The following SNX29 variants were observed in gnomAD, a reference collection of about 807,000 sequenced individuals.
SNX29 encodes the protein sorting nexin-29.
In SNX29, 78 loss-of-function variants were observed where a neutral mutation model predicts 102.1. The observed-to-expected ratio is 0.76, with a 90% CI of 0.64 to 0.92. The LOEUF is 0.92. SNX29 is among the 40% of genes least tolerant of loss of function. The probability of loss-of-function intolerance (pLI) is 0.00; values close to 1 mark genes in which losing one functional copy is unlikely to be tolerated. For missense variants in SNX29, 1,280 were observed against 1,061.7 expected (o/e 1.21, Z -2.86); for synonymous variants, 580 against 414.5 (o/e 1.40, Z -4.85).
intron 11 of SNX29, among the ~76,000 whole-genome samples, chr16:12,109,592 G>A (rs2053420702): frequency 1.3e-5 from 2 of 152,040 alleles, no homozygotes; most frequent in Non-Finnish European, 2.9e-5. Context: ...GTCTACATCC[G>A]GGACCCTCAT....
At chr16:12,111,036 T>C (rs2053481582) in intron 11 of SNX29, among the ~76,000 whole-genome samples, 1 of 152,074 alleles carries the variant, frequency 6.6e-6, no homozygotes, top group Middle Eastern at 3.2e-3. Context: ...TGCCTCAAAC[T>C]CCTAGCCTCA....
chr16:12,175,872 G>T (rs1404239434), intron 13 of SNX29, among the ~76,000 whole-genome samples: 1 of 151,944 alleles, frequency 6.6e-6, no homozygotes, highest in African/African-American at 2.4e-5. Flanking sequence ...AATTAGCCAT[G>T]GACTACCCTT....
intron 3 of SNX29, among the ~76,000 whole-genome samples, chr16:12,022,821 G>A (rs2057069311): frequency 6.6e-6 from 1 of 151,614 alleles, no homozygotes; most frequent in Non-Finnish European, 1.5e-5. Context: ...GTGGTGTTTT[G>A]GATGTGGCTT....
intron 15 of SNX29, among the ~76,000 whole-genome samples, chr16:12,320,954 G>A (rs191416657): frequency 5.6e-4 from 86 of 152,286 alleles, no homozygotes; most frequent in Middle Eastern, 6.8e-3. Flanking sequence ...AAAGCAACAC[G>A]TTTGTTTTTC....
intron 14 of SNX29, among the ~76,000 whole-genome samples, chr16:12,270,716 C>T (rs1240377746): frequency 6.6e-6 from 1 of 151,916 alleles, no homozygotes. Flanking sequence ...TCACCATCTC[C>T]GTCACTTCAT....
chr16:12,366,851 CTCTT>C (rs2082502843), intron 16 of SNX29: 1 of 151,756 alleles, frequency 6.6e-6, no homozygotes, highest in South Asian at 2.1e-4. Flanking sequence ...CTCTCTCTCT[CTCTT>C]TCTTTTCCTC....
At chr16:12,550,672 A>G (rs8059085) in intron 20 of SNX29, among the ~76,000 whole-genome samples, 90,135 of 152,022 alleles carry the variant, frequency 0.59, 30,334 homozygotes, top group East Asian at 0.99. Flanking sequence ...CCAAGGTGGG[A>G]AGACTCACTT....
At chr16:11,986,339 G>C (rs1427523139) in intron 1 of SNX29, among the ~76,000 whole-genome samples, 1 of 141,946 alleles carries the variant, frequency 7.0e-6, no homozygotes, top group Admixed American at 7.5e-5. Flanking sequence ...GCTTGCATCT[G>C]TGTTTCTTGG....
chr16:12,029,024 G>A (rs1252250445), intron 4 of SNX29, among the ~76,000 whole-genome samples: 1 of 152,024 alleles, frequency 6.6e-6, no homozygotes, highest in Non-Finnish European at 1.5e-5. Context: ...GGGATTATAC[G>A]TGTAAGCCAC....
chr16:12,142,432 TGGTGTTGGGGGC>T (rs2054899568), intron 13 of SNX29, among the ~76,000 whole-genome samples: 1 of 139,246 alleles, frequency 7.2e-6, no homozygotes, highest in Non-Finnish European at 1.5e-5. Context: ...TGGGTGGGGC[TGGTGTTGGGGGC>T]TGGGGGTGAG....
In SNX29 at chr16:12,098,538, G is replaced by A. The variant is rs1465847920; in HGVS notation, c.1402+19623G>A. ...CTGCTTCCAGGTGTCTGTACACACCGTCGGTTTCATGTGCGCAGACGATTC... is the reference window on the plus strand; with the variant it reads ...CTGCTTCCAGGTGTCTGTACACACCATCGGTTTCATGTGCGCAGACGATTC... On this transcript the variant is annotated intron_variant, in intron 11 of 20. Coordinates refer to ENST00000566228, the MANE Select transcript of SNX29 (RefSeq NM_032167.5). The surrounding 1 kb of genome is among the most constrained non-coding windows in gnomAD (Gnocchi z 6.0). Among the ~76,000 whole-genome samples, 3 of 152,192 alleles carry A rather than the reference G, an allele frequency of 2.0e-5. No individual in the cohort carries two copies. The highest frequency in any genetic ancestry group is 4.4e-5 in the Non-Finnish European group (3 of 68,044).
chr16:12,534,399 C>A (rs1413102494), intron 20 of SNX29, among the ~76,000 whole-genome samples: 5 of 152,346 alleles, frequency 3.3e-5, no homozygotes, highest in African/African-American at 1.2e-4. Context: ...TCTTTTGCTT[C>A]TTGTCCTCTG....
At chr16:12,408,579 G>T (rs1420796278) in intron 18 of SNX29, among the ~76,000 whole-genome samples, 1 of 152,234 alleles carries the variant, frequency 6.6e-6, no homozygotes, top group Non-Finnish European at 1.5e-5. Flanking sequence ...CCAGCACTTT[G>T]GGAAGCCAAG....
intron 19 of SNX29, among the ~76,000 whole-genome samples, chr16:12,488,639 C>T (rs1193777366): frequency 2.0e-5 from 3 of 152,170 alleles, no homozygotes; most frequent in African/African-American, 7.2e-5. Context: ...CTCCCTCGTC[C>T]TATGTCCCTT....
chr16:12,471,326 A>G (rs2087330760), intron 18 of SNX29, among the ~76,000 whole-genome samples: 1 of 152,208 alleles, frequency 6.6e-6, no homozygotes, highest in African/African-American at 2.4e-5. Flanking sequence ...ATGTTTTAGT[A>G]CGTGTACAAA....
At chr16:12,534,305 C>A (rs965920979) in intron 20 of SNX29, among the ~76,000 whole-genome samples, 1 of 152,226 alleles carries the variant, frequency 6.6e-6, no homozygotes, top group African/African-American at 2.4e-5. Flanking sequence ...GAGACGTGCT[C>A]CTAATGAGGG....
At chr16:12,426,002 G>A (rs1458718065) in intron 18 of SNX29, among the ~76,000 whole-genome samples, 1 of 151,932 alleles carries the variant, frequency 6.6e-6, no homozygotes, top group Non-Finnish European at 1.5e-5. Flanking sequence ...TTGGGCATTG[G>A]CCAGAGACCT....
intron 13 of SNX29, among the ~76,000 whole-genome samples, chr16:12,188,100 G>T (rs917300951): frequency 6.6e-6 from 1 of 152,136 alleles, no homozygotes; most frequent in African/African-American, 2.4e-5. Flanking sequence ...AGTCCTCCTT[G>T]ATTTGGAATA....
At chr16:12,567,249 C>A (rs568346489) in intron 20 of SNX29, among the ~76,000 whole-genome samples, 31 of 152,168 alleles carry the variant, frequency 2.0e-4, no homozygotes, top group African/African-American at 7.0e-4. Context: ...GGACACAGTC[C>A]TGTCTTCCCT....
Sources: gnomAD v4.1 joint callset for allele counts (sites outside exome capture counted in the v4.1 genomes callset) on GRCh38, gnomAD v4.1.1 for gene constraint, Gnocchi (gnomAD v3.1) non-coding constraint, MANE v1.5 for transcripts, NCBI Gene and HGNC (gene_info 2026-07-23, HGNC 2026-07-21) for gene names.